MVB12B: variants seen among roughly 807,000 people sequenced by gnomAD.
MVB12B encodes multivesicular body subunit 12B, also known as ESCRT-I complex subunit MVB12B.
Under a neutral mutation model 41.6 loss-of-function variants are expected in MVB12B, and 16 were observed. The ratio of observed to expected loss-of-function variants is 0.38; its 90% CI spans 0.26 to 0.58. The LOEUF is 0.58. Ranked by LOEUF, MVB12B falls within the 20% of genes least tolerant of loss-of-function variation. MVB12B has a pLI of 0.62. For missense variants in MVB12B, 274 were observed against 380.2 expected (o/e 0.72, Z 2.32); for synonymous variants, 133 against 139.7 (o/e 0.95, Z 0.34).
intron 2 of MVB12B, among the ~76,000 whole-genome samples, chr9:126,342,172 A>G (rs561977874): frequency 6.6e-6 from 1 of 152,336 alleles, no homozygotes; most frequent in East Asian, 1.9e-4. Flanking sequence ...ATTAGGGATG[A>G]AGCAGCAAGT....
chr9:126,366,567 C>T (rs990745634), intron 2 of MVB12B, among the ~76,000 whole-genome samples: 19 of 152,132 alleles, frequency 1.2e-4, no homozygotes, highest in Non-Finnish European at 5.9e-5. Context: ...ATTATTGCAT[C>T]ATATTTTCTT....
intron 6 of MVB12B, chr9:126,397,420 T>C (rs1234468454): frequency 2.0e-6 from 2 of 985,334 alleles, no homozygotes; most frequent in Non-Finnish European, 2.4e-6. Flanking sequence ...CAGATGTTTA[T>C]AAGGCTTATG....
At chr9:126,488,510 C>G (rs1018897884) in intron 9 of MVB12B, among the ~76,000 whole-genome samples, 1 of 152,184 alleles carries the variant, frequency 6.6e-6, no homozygotes, top group African/African-American at 2.4e-5. Context: ...GGAGGCTGCT[C>G]TGTGCTGGGC....
chr9:126,434,640 A>C (rs997185597), intron 7 of MVB12B, among the ~76,000 whole-genome samples: 4 of 152,186 alleles, frequency 2.6e-5, no homozygotes, highest in African/African-American at 9.7e-5. Flanking sequence ...CTGTGTAGCA[A>C]AACGCCAGTT....
At chr9:126,335,070 C>T (rs774342668) in intron 1 of MVB12B, 2 of 269,988 alleles carry the variant, frequency 7.4e-6, no homozygotes, top group Non-Finnish European at 1.4e-5. Flanking sequence ...AAAGGAAGTG[C>T]TCACAATTGT....
chr9:126,423,645 A>G (rs1832087774), intron 7 of MVB12B, among the ~76,000 whole-genome samples: 1 of 152,222 alleles, frequency 6.6e-6, no homozygotes, highest in African/African-American at 2.4e-5. Flanking sequence ...GCCAGGGTCC[A>G]GGACTGCTTT....
At chr9:126,370,593 G>C (rs541666396) in intron 2 of MVB12B, among the ~76,000 whole-genome samples, 1 of 152,124 alleles carries the variant, frequency 6.6e-6, no homozygotes, top group East Asian at 1.9e-4. Context: ...TGTTGGCCAG[G>C]CTGGTCTTGA....
chr9:126,446,941 T>G (rs1428145326), intron 7 of MVB12B, among the ~76,000 whole-genome samples: 20 of 54,094 alleles, frequency 3.7e-4, no homozygotes, highest in Admixed American at 1.6e-3. Flanking sequence ...TAACTTTCTT[T>G]TTTTTTTTTT....
chr9:126,399,617 G>T lies in MVB12B; in HGVS notation c.662+3920G>T, dbSNP rs1831213049. ...GCTGGGAAGAAGAGGTTCCGCTGCTGCTGGGACAGAGGTTGGGAAGAGCCC... is the reference window on the plus strand; with the variant it reads ...GCTGGGAAGAAGAGGTTCCGCTGCTTCTGGGACAGAGGTTGGGAAGAGCCC... On this transcript the variant is annotated intron_variant, in intron 6 of 9. Transcript: ENST00000361171. Among the ~76,000 whole-genome samples, 3 of 152,214 alleles carry T rather than the reference G, an allele frequency of 2.0e-5. No individual in the cohort carries two copies. In the South Asian group the frequency reaches 6.2e-4, roughly 32 times the overall value.
chr9:126,411,538 T>C (rs2119059199), intron 6 of MVB12B, among the ~76,000 whole-genome samples: 1 of 152,390 alleles, frequency 6.6e-6, no homozygotes, highest in South Asian at 2.1e-4. Context: ...GTTTTAGGTC[T>C]GGGCATAGAA....
chr9:126,419,750 C>T (rs1831945293), intron 6 of MVB12B, among the ~76,000 whole-genome samples: 2 of 152,172 alleles, frequency 1.3e-5, no homozygotes, highest in Admixed American at 6.5e-5. Context: ...CTTCCCAGAC[C>T]TGGCCAGTCT....
At chr9:126,483,790 A>T (rs1833575823) in intron 8 of MVB12B, among the ~76,000 whole-genome samples, 183 bp from the exon 9 acceptor site, 1 of 152,124 alleles carries the variant, frequency 6.6e-6, no homozygotes, top group Admixed American at 6.5e-5. Context: ...AGGCTCTATC[A>T]TCACTTCTCC....
At chr9:126,465,806 T>C (rs1833188712) in intron 7 of MVB12B, among the ~76,000 whole-genome samples, 1 of 152,182 alleles carries the variant, frequency 6.6e-6, no homozygotes, top group Non-Finnish European at 1.5e-5. Context: ...TTAGATGTGT[T>C]ATCTTTCTGA....
chr9:126,411,668 C>T (rs556346022), intron 6 of MVB12B, among the ~76,000 whole-genome samples: 6 of 152,244 alleles, frequency 3.9e-5, no homozygotes, highest in Admixed American at 2.6e-4. Context: ...CTCATCAGAC[C>T]GTGACAAATG....
At chr9:126,334,785 C>T (rs1829229784) in intron 1 of MVB12B, among the ~76,000 whole-genome samples, 3 of 152,188 alleles carry the variant, frequency 2.0e-5, no homozygotes, top group African/African-American at 7.2e-5. Flanking sequence ...GAATGCCCTA[C>T]CCTCGAGTAA....
chr9:126,440,594 C>T (rs187846693), intron 7 of MVB12B, among the ~76,000 whole-genome samples: 3 of 152,194 alleles, frequency 2.0e-5, no homozygotes, highest in Admixed American at 6.5e-5. Context: ...GCCCCTCACA[C>T]GCGTGAAACA....
In MVB12B at chr9:126,348,852, T is replaced by A. The variant is rs373138118; in HGVS notation, c.204+8222T>A. ...TAAAGTCTTGCAGACTAGTACAATG[T>A]TACAACCAGGATACTGACATTAATA... On this transcript the variant is annotated intron_variant, in intron 2 of 9. Transcript: ENST00000361171. Among the ~76,000 whole-genome samples the A allele has an allele frequency of 1.1e-4, 17 of 152,316 alleles. No individual in the cohort carries two copies. In the East Asian group the frequency reaches 2.1e-3, roughly 19 times the overall value.
chr9:126,394,741 C>T (rs540976748), intron 5 of MVB12B, among the ~76,000 whole-genome samples: 2 of 152,276 alleles, frequency 1.3e-5, no homozygotes, highest in East Asian at 1.9e-4. Flanking sequence ...TACATGGTTC[C>T]TGGGGTGTTC....
intron 2 of MVB12B, among the ~76,000 whole-genome samples, chr9:126,347,193 T>C (rs139412444): frequency 1.3e-5 from 2 of 151,816 alleles, no homozygotes; most frequent in African/African-American, 4.8e-5. Flanking sequence ...GGCAGAGGAG[T>C]TGGGACCCAG....
Sources: allele counts gnomAD v4.1 joint callset (sites outside exome capture counted in the v4.1 genomes callset), GRCh38; gene constraint gnomAD v4.1.1; transcripts MANE v1.5; gene names NCBI Gene and HGNC (gene_info 2026-07-23, HGNC 2026-07-21).